COL4A4: variants seen among roughly 807,000 people sequenced by gnomAD.
COL4A4 encodes collagen type IV alpha 4 chain, also known as collagen alpha-4(IV) chain.
Under a neutral mutation model 192.9 loss-of-function variants are expected in COL4A4, and 105 were observed. The observed-to-expected ratio is 0.54, with a 90% CI of 0.46 to 0.64. COL4A4 has a LOEUF of 0.64. COL4A4 is among the 30% of genes least tolerant of loss of function. The pLI, the probability that COL4A4 is intolerant of heterozygous loss-of-function variation, is 0.00. For synonymous variants in COL4A4, 762 were observed against 769.9 expected, an observed-to-expected ratio of 0.99 and a Z score of 0.17; for missense variants, 1,967 against 2,169.3, an observed-to-expected ratio of 0.91 and a Z score of 1.85.
chr2:226,983,493 C>T, the COL4A4 span, among the ~76,000 whole-genome samples: 4 of 152,180 alleles, frequency 2.6e-5, no homozygotes, highest in Non-Finnish European at 5.9e-5. Flanking sequence ...CCTTGTTTTA[C>T]AAGACACATG....
At chr2:227,079,554 G>A (rs1452033479) in intron 24 of COL4A4, among the ~76,000 whole-genome samples, 6 of 152,174 alleles carry the variant, frequency 3.9e-5, no homozygotes, top group Non-Finnish European at 7.3e-5. Context: ...AGGGTTTCCT[G>A]TAGAATCAGG....
Position 227,030,510 on chromosome 2 carries a change from G to C in COL4A4, c.3906C>G (p.Pro1302=). 6.2e-7 allele frequency: 1 copy of C among 1,613,980 alleles called. No individual in the cohort carries two copies. The highest frequency in any genetic ancestry group is 8.5e-7 in the Non-Finnish European group (1 of 1,179,902). The change falls in exon 41 of 48, where the codon CCC becomes CCG. Residue 1302 remains proline, a synonymous_variant. Coordinates refer to ENST00000396625, the MANE Select transcript of COL4A4 (RefSeq NM_000092.5). ...GDCGLPGPPG[P]PGPPGPPGYK... is the part of the protein sequence containing the mutation. The stretch of plus-strand genomic sequence containing the variant: ...ATCCTGGAGGGCCTGGTGGGCCAGG[G>C]GGACCTGGTGGCCCTGGTAGACCAC...
the COL4A4 span, among the ~76,000 whole-genome samples, chr2:226,986,245 A>G: frequency 1.3e-5 from 2 of 152,244 alleles, no homozygotes; most frequent in African/African-American, 4.8e-5. Context: ...CTTGGTAACA[A>G]AATGTACTGT....
intron 4 of COL4A4, among the ~76,000 whole-genome samples, chr2:227,137,218 C>T (rs1304390423): frequency 1.3e-5 from 2 of 152,208 alleles, no homozygotes; most frequent in Non-Finnish European, 2.9e-5. Context: ...ACATGCAATG[C>T]CTTGCGCTTG....
intron 1 of COL4A4, among the ~76,000 whole-genome samples, chr2:227,161,620 T>C (rs1407508866): frequency 6.6e-6 from 1 of 152,180 alleles, no homozygotes; most frequent in African/African-American, 2.4e-5. Context: ...TAAATGTGGC[T>C]TTTAGATAAG....
chr2:227,042,171 A>G lies in COL4A4; in HGVS notation c.3482T>C (p.Ile1161Thr). 1 of 1,610,864 alleles carries G rather than the reference A, an allele frequency of 6.2e-7. No individual in the cohort carries two copies. The highest frequency in any genetic ancestry group is 8.5e-7 in the Non-Finnish European group (1 of 1,177,062). ...GPRGLQGDPG[I>T]PGPPGIKGPS... Reference sequence around the variant, plus strand: ...ACCTTTTATTCCCGGAGGACCTGGTATCCCTGGATCCCCCTGGAGGCCTCT... The same window carrying G: ...ACCTTTTATTCCCGGAGGACCTGGTGTCCCTGGATCCCCCTGGAGGCCTCT... Residue 1161 changes from isoleucine (I) to threonine (T), a missense_variant, in exon 37 of 48, where the codon ATA becomes ACA. By Grantham distance (89) the Ile-to-Thr change is moderately conservative. Coordinates refer to ENST00000396625, the MANE Select transcript of COL4A4 (RefSeq NM_000092.5).
chr2:227,073,031 G>A (rs534987005), intron 25 of COL4A4, among the ~76,000 whole-genome samples: 96 of 152,116 alleles, frequency 6.3e-4, no homozygotes, highest in Non-Finnish European at 9.4e-4. Context: ...ACATAGTTCT[G>A]GAAGTACTAG....
chr2:227,145,315 T>G (rs2063478629), intron 2 of COL4A4, among the ~76,000 whole-genome samples: 3 of 151,880 alleles, frequency 2.0e-5, no homozygotes, highest in South Asian at 4.2e-4. Context: ...GGCATGGTGG[T>G]GCATGCCTGT....
intron 1 of COL4A4, among the ~76,000 whole-genome samples, chr2:227,161,935 CAA>C (rs145896035): frequency 6.9e-5 from 9 of 130,116 alleles, no homozygotes; most frequent in Admixed American, 7.6e-5. Flanking sequence ...TTCCTTTGTA[CAA>C]AAAAAAAAAA....
chr2:227,015,108 C>A (rs1477091833), intron 44 of COL4A4, among the ~76,000 whole-genome samples: 1 of 152,012 alleles, frequency 6.6e-6, no homozygotes. Flanking sequence ...ACCATGTTGG[C>A]CAGGCTGGTC....
chr2:227,028,400 G>A (rs1248479054), intron 41 of COL4A4, among the ~76,000 whole-genome samples: 1 of 152,070 alleles, frequency 6.6e-6, no homozygotes, highest in African/African-American at 2.4e-5. Flanking sequence ...TTAGTTTTAG[G>A]CACAACAGTT....
chr2:227,086,431 T>A (rs773857805), intron 22 of COL4A4, among the ~76,000 whole-genome samples: 5 of 152,020 alleles, frequency 3.3e-5, no homozygotes, highest in Middle Eastern at 3.4e-3. Flanking sequence ...TTCTTTCCCT[T>A]CCTTTTCTTC....
At chr2:226,982,688 G>A in the COL4A4 span, among the ~76,000 whole-genome samples, 3 of 152,168 alleles carry the variant, frequency 2.0e-5, no homozygotes, top group Non-Finnish European at 2.9e-5. Context: ...TTTGTGTCTC[G>A]GGATTTGAGA....
In COL4A4 at chr2:227,033,447, A is replaced by T. The variant is rs1474988306; in HGVS notation, c.3540T>A (p.His1180Gln). ...TAGTTCCTTTCTGACCTTTCAATCC[A>T]TGCAAGCCGTTCAGGCCAGGTGATC... ...PSGSPGLNGL[H>Q]GLKGQKGTKG... The change falls in exon 38 of 48, where the codon CAT (histidine) becomes CAA (glutamine). Residue 1180 changes from histidine (H) to glutamine (Q), a missense_variant. His to Gln is a conservative substitution (Grantham distance 24). Transcript: ENST00000396625. 1 of 1,613,534 alleles carries T rather than the reference A, an allele frequency of 6.2e-7. No homozygotes were observed. The highest frequency in any genetic ancestry group is 8.5e-7 in the Non-Finnish European group (1 of 1,180,012).
At chr2:227,131,153 T>C (rs1487620968) in intron 4 of COL4A4, among the ~76,000 whole-genome samples, 1 of 151,816 alleles carries the variant, frequency 6.6e-6, no homozygotes, top group Admixed American at 6.6e-5. Flanking sequence ...TTTTTTTTTT[T>C]TCTTTCTTTC....
At position 227,098,782 on chromosome 2, in the gene COL4A4, T is replaced by C. The variant is rs1180678952; in HGVS notation, c.1116A>G (p.Pro372=). The C allele has an allele frequency of 6.2e-7, 1 of 1,613,846 alleles. No homozygotes were observed. The highest frequency in any genetic ancestry group is 8.5e-7 in the Non-Finnish European group (1 of 1,179,786). The part of the protein sequence containing the change: ...PLPLKGPPGD[P]GFPGRYGETG... ...TTTCTCCATAGCGGCCAGGGAACCC[T>C]GGGTCCCCTGGTGGGCCTGCCAAAG... is the stretch of plus-strand genomic sequence containing the variant. Residue 372 remains proline, a synonymous_variant, in exon 19 of 48, where the codon CCA becomes CCG. Coordinates refer to ENST00000396625, the MANE Select transcript of COL4A4 (RefSeq NM_000092.5).
At chr2:227,021,771 G>A (rs1966060664) in intron 44 of COL4A4, among the ~76,000 whole-genome samples, 1 of 152,128 alleles carries the variant, frequency 6.6e-6, no homozygotes, top group African/African-American at 2.4e-5. Context: ...CTTGCAGTGA[G>A]CCAAGATGGT....
At chr2:226,982,718 C>T in the COL4A4 span, among the ~76,000 whole-genome samples, 6 of 152,148 alleles carry the variant, frequency 3.9e-5, no homozygotes, top group Non-Finnish European at 7.4e-5. Context: ...TGGCTGAGGC[C>T]AGAAATTGAA....
chr2:227,083,032 T>C (rs890609578), intron 22 of COL4A4, among the ~76,000 whole-genome samples: 7 of 152,030 alleles, frequency 4.6e-5, no homozygotes, highest in Admixed American at 2.0e-4. Flanking sequence ...AGTTCGAGAC[T>C]AGCCTGGCCA....
Sources: allele counts gnomAD v4.1 joint callset (sites outside exome capture counted in the v4.1 genomes callset), GRCh38; gene constraint gnomAD v4.1.1; transcripts MANE v1.5; gene names NCBI Gene and HGNC (gene_info 2026-07-23, HGNC 2026-07-21).